The following HIPK1 variants were observed in gnomAD, a reference collection of about 807,000 sequenced individuals.
HIPK1 encodes homeodomain interacting protein kinase 1, also known as homeodomain-interacting protein kinase 1.
Under a neutral mutation model 117.1 loss-of-function variants are expected in HIPK1, and 28 were observed. The observed-to-expected ratio is 0.24, with a 90% confidence interval of 0.18 to 0.33. HIPK1 has a LOEUF of 0.33. Among genes scored for constraint, HIPK1 ranks in the 10% least tolerant of loss-of-function variants. The pLI is 1.00. For missense variants in HIPK1, 1,122 were observed against 1,475.1 expected, an observed-to-expected ratio of 0.76 and a Z score of 3.92; for synonymous variants, 605 against 562.5, an observed-to-expected ratio of 1.08 and a Z score of -1.07.
chr1:113,969,912 C>T, intron 13 of HIPK1, 44 bp from the exon 14 acceptor site: 1 of 1,607,904 alleles, frequency 6.2e-7, no homozygotes, highest in East Asian at 2.2e-5. Flanking sequence ...GTCACACACA[C>T]AAAAAAGAAC....
chr1:113,967,708 G>T, intron 11 of HIPK1, 58 bp from the exon 12 acceptor site: 1 of 1,262,348 alleles, frequency 7.9e-7, no homozygotes, highest in Non-Finnish European at 1.1e-6. Flanking sequence ...ATGTCTGTTT[G>T]GTCCTGATTC....
chr1:113,951,392 A>G (rs984003789), intron 2 of HIPK1: 1 of 489,922 alleles, frequency 2.0e-6, no homozygotes, highest in African/African-American at 2.1e-5. Flanking sequence ...CACTTATTTG[A>G]CTGTGACTCT....
intron 14 of HIPK1, among the ~76,000 whole-genome samples, chr1:113,970,632 A>G (rs989696870): frequency 1.3e-5 from 2 of 152,228 alleles, no homozygotes; most frequent in Non-Finnish European, 2.9e-5. Context: ...GTGTCATAGC[A>G]GTGATGCTTT....
At chr1:113,949,744 G>A (rs1262411589) in intron 2 of HIPK1, among the ~76,000 whole-genome samples, 5 of 151,808 alleles carry the variant, frequency 3.3e-5, no homozygotes. Context: ...GATTACAGGT[G>A]CCCGCCACCA....
chr1:113,946,815 CAGTGTTT>C (rs1000721261), intron 2 of HIPK1, among the ~76,000 whole-genome samples: 2 of 152,144 alleles, frequency 1.3e-5, no homozygotes, highest in African/African-American at 4.8e-5. Context: ...CAGGGCTTGA[CAGTGTTT>C]AGGATTTAAC....
At position 113,971,931 on chromosome 1, in the gene HIPK1, G is replaced by A; in HGVS notation, c.3121G>A (p.Ala1041Thr). Residue 1041 changes from alanine to threonine, a missense_variant, in exon 15 of 16, where the codon GCA becomes ACA. Physicochemically the swap from Ala to Thr is moderately conservative, Grantham distance 58. Around this residue, in one of 6 missense-constraint regions of HIPK1, gnomAD observed 731 missense variants for 860.4 expected, o/e 0.85. Coordinates refer to ENST00000426820, the MANE Select transcript of HIPK1 (RefSeq NM_198268.3). ...YRAQRGGTSA[A>T]QPLNLSQNQQ... ...AGCTCAACGCGGGGGGACCAGTGCA[G>A]CACAACCACTCAATCTTAGCCAGGT... 1 of 1,610,686 alleles carries A rather than the reference G, an allele frequency of 6.2e-7. No homozygotes were observed. Among genetic ancestry groups the A allele is most frequent in the East Asian group, 2.2e-5 (1 of 44,786 alleles).
chr1:113,964,595 TTTC>T, intron 10 of HIPK1, among the ~76,000 whole-genome samples: 1 of 152,382 alleles, frequency 6.6e-6, no homozygotes, highest in Admixed American at 6.5e-5. Context: ...TCTTTTGTTG[TTTC>T]TTAAGTATTC....
chr1:113,952,641 AT>A, intron 2 of HIPK1, 124 bp from the exon 3 acceptor site: 7 of 692,442 alleles, frequency 1.0e-5, no homozygotes, highest in Non-Finnish European at 1.5e-5. Context: ...TATACCAAAG[AT>A]TTTTTTTCCA....
At chr1:113,953,721 G>T (rs1469249760) in intron 3 of HIPK1, among the ~76,000 whole-genome samples, 1 of 152,098 alleles carries the variant, frequency 6.6e-6, no homozygotes, top group Non-Finnish European at 1.5e-5. Context: ...GTTTCACCAT[G>T]TTGGCCAGGC....
At chr1:113,937,907 A>C (rs1302317221) in intron 1 of HIPK1, among the ~76,000 whole-genome samples, 1 of 152,036 alleles carries the variant, frequency 6.6e-6, no homozygotes, top group Non-Finnish European at 1.5e-5. Context: ...GGAGGAATCA[A>C]AGTGGGGAGA....
At chr1:113,935,019 T>G (rs903042572) in intron 1 of HIPK1, among the ~76,000 whole-genome samples, 2 of 140,986 alleles carry the variant, frequency 1.4e-5, no homozygotes, top group Non-Finnish European at 3.1e-5. Flanking sequence ...GAATCAGCTG[T>G]TTTTTTTTTT....
intron 14 of HIPK1, 145 bp downstream of exon 14, chr1:113,970,342 G>C (rs772769006): frequency 8.6e-5 from 72 of 838,396 alleles, no homozygotes; most frequent in Non-Finnish European, 1.1e-4. Context: ...TCAGTTCCCT[G>C]CACAATGTGA....
At chr1:113,937,524 G>A (rs1251414651) in intron 1 of HIPK1, among the ~76,000 whole-genome samples, 5 of 151,948 alleles carry the variant, frequency 3.3e-5, no homozygotes, top group Admixed American at 6.6e-5. Context: ...TGAGTGGTAG[G>A]GAGTTGTATT....
Position 113,970,745 on chromosome 1 carries a change from G to A in HIPK1, c.3013+548G>A, listed in dbSNP as rs374952731. Among the ~76,000 whole-genome samples, 22 of 152,316 alleles carry A rather than the reference G, an allele frequency of 1.4e-4. 1 individual carries two copies. The highest frequency in any genetic ancestry group is 9.1e-4 in the Admixed American group (14 of 15,302). On this transcript the variant is annotated intron_variant, in intron 14 of 15. Coordinates refer to ENST00000426820, the MANE Select transcript of HIPK1 (RefSeq NM_198268.3). The stretch of plus-strand genomic sequence containing the variant: ...TTATTGTGTTAGTTGGGTAATAGCA[G>A]TTGCAGTAACAAATCCTAGATTTTT...
At chr1:113,936,622 G>A (rs972644507) in intron 1 of HIPK1, among the ~76,000 whole-genome samples, 4 of 152,142 alleles carry the variant, frequency 2.6e-5, no homozygotes, top group African/African-American at 9.7e-5. Context: ...GTGTCACCAC[G>A]CCCAGCTAAT....
At chr1:113,929,875 C>T (rs1354301984) in intron 1 of HIPK1, 2 of 987,416 alleles carry the variant, frequency 2.0e-6, no homozygotes, top group Middle Eastern at 5.2e-4. Flanking sequence ...GGCCCCAGAT[C>T]TCGTCTCCTC....
chr1:113,935,565 G>C (rs1235454914), intron 1 of HIPK1, among the ~76,000 whole-genome samples: 2 of 152,094 alleles, frequency 1.3e-5, no homozygotes, highest in East Asian at 3.9e-4. Flanking sequence ...TGGATCTAAT[G>C]GTAATTCTGT....
intron 9 of HIPK1, among the ~76,000 whole-genome samples, chr1:113,962,841 T>G (rs1672215423): frequency 6.6e-6 from 1 of 152,196 alleles, no homozygotes; most frequent in Non-Finnish European, 1.5e-5. Flanking sequence ...TGCTCACTCT[T>G]TTAGAATTTC....
chr1:113,941,107 A>G lies in HIPK1; in HGVS notation c.724A>G (p.Ser242Gly). ...TGAAGTGAGCATCCTTTCCCGCCTA[A>G]GCAGTGAAAATGCTGATGAGTATAA... ...QIEVSILSRL[S>G]SENADEYNFV... Residue 242 changes from serine (S) to glycine (G), a missense_variant, in exon 2 of 16, where the codon AGC (serine) becomes GGC (glycine). Transcript: ENST00000426820. The surrounding 1 kb of genome is among the most constrained non-coding windows in gnomAD (Gnocchi z 4.9). The G allele has an allele frequency of 6.2e-7, 1 of 1,614,244 alleles. No individual in the cohort carries two copies. The highest frequency in any genetic ancestry group is 8.5e-7 in the Non-Finnish European group (1 of 1,180,046).
Sources: gnomAD v4.1 joint callset for allele counts (sites outside exome capture counted in the v4.1 genomes callset) on GRCh38, gnomAD v4.1.1 for gene constraint, gnomAD v4.1.1 regional missense constraint, Gnocchi (gnomAD v3.1) non-coding constraint, MANE v1.5 for transcripts, NCBI Gene and HGNC (gene_info 2026-07-23, HGNC 2026-07-21) for gene names.